Variants in SLC9C1 observed in about 807,000 individuals in gnomAD.
SLC9C1 encodes sodium/hydrogen exchanger 10.
In SLC9C1, 97 loss-of-function variants were observed where a neutral mutation model predicts 140.9. The ratio of observed to expected loss-of-function variants is 0.69; its 90% confidence interval spans 0.58 to 0.82. The LOEUF is 0.82. SLC9C1 is among the 40% of genes least tolerant of loss of function. The pLI is 0.00. For synonymous variants in SLC9C1, 440 were observed against 442.6 expected, an observed-to-expected ratio of 0.99 and a Z score of 0.07; for missense variants, 1,340 against 1,389.3, an observed-to-expected ratio of 0.96 and a Z score of 0.56.
rs765800521 is a variant in SLC9C1, at chr3:112,278,757, G to A, written c.290C>T (p.Thr97Met). Residue 97 changes from threonine to methionine, a missense_variant, in exon 4 of 29, where the codon ACG (threonine) becomes ATG (methionine). Transcript: ENST00000305815. ...CCAAAATAACTTTTGAAGCATGTAC[G>A]TATCCATGTCAAATGCAGTAGTAAA... ...VFFTTAFDMD[T>M]YMLQKLFWQI... The A allele has an allele frequency of 4.3e-6, 7 of 1,609,578 alleles. No individual in the cohort carries two copies. Among genetic ancestry groups the A allele is most frequent in the South Asian group, 2.2e-5 (2 of 90,510 alleles).
chr3:112,149,309 G>A (rs1410238321), intron 28 of SLC9C1, among the ~76,000 whole-genome samples: 1 of 151,556 alleles, frequency 6.6e-6, no homozygotes, highest in East Asian at 2.0e-4. Flanking sequence ...AGGTCAGTGG[G>A]TACTCTGAAT....
intron 28 of SLC9C1, among the ~76,000 whole-genome samples, chr3:112,142,750 T>C (rs1261463786): frequency 1.3e-5 from 2 of 152,232 alleles, no homozygotes; most frequent in Non-Finnish European, 2.9e-5. Flanking sequence ...ATTTTTATTT[T>C]AGATTCCAGG....
intron 12 of SLC9C1, among the ~76,000 whole-genome samples, chr3:112,235,999 G>A (rs1281855183): frequency 6.6e-6 from 1 of 152,128 alleles, no homozygotes; most frequent in African/African-American, 2.4e-5. Context: ...GAGTTAGGGA[G>A]GATTCTCTCT....
At position 112,169,269 on chromosome 3, in the gene SLC9C1, A is replaced by G. The variant is rs748426980; in HGVS notation, c.2979T>C (p.Ile993=). ...YDAFEQCSPL[I]KQKMWLKLGL... ...CAAGTTTTAGCCACATTTTTTGTTTAATGAGAGGAGAGCATTGCTCAAAAG... is the reference window on the plus strand; with the variant it reads ...CAAGTTTTAGCCACATTTTTTGTTTGATGAGAGGAGAGCATTGCTCAAAAG... The change falls in exon 24 of 29, where the codon ATT becomes ATC. Residue 993 remains isoleucine, a synonymous_variant. Transcript: ENST00000305815. 1.9e-6 allele frequency: 3 copies of G among 1,613,436 alleles called. No individual in the cohort carries two copies. The highest frequency in any genetic ancestry group is 2.5e-6 in the Non-Finnish European group (3 of 1,179,766).
At chr3:112,277,482 G>A (rs764302523) in intron 5 of SLC9C1, among the ~76,000 whole-genome samples, 9 of 151,916 alleles carry the variant, frequency 5.9e-5, no homozygotes, top group East Asian at 1.9e-4. Flanking sequence ...CCACAATTGC[G>A]TATAATACTT....
chr3:112,162,722 C>T (rs1341613113), intron 26 of SLC9C1, among the ~76,000 whole-genome samples: 1 of 150,652 alleles, frequency 6.6e-6, no homozygotes, highest in African/African-American at 2.4e-5. Context: ...GGATATTGGT[C>T]TAAAATTCTC....
chr3:112,242,133 A>G (rs554277579), intron 11 of SLC9C1, among the ~76,000 whole-genome samples: 28 of 152,342 alleles, frequency 1.8e-4, no homozygotes, highest in Non-Finnish European at 1.5e-4. Flanking sequence ...GCAAAGCAAA[A>G]GAAACTATTA....
chr3:112,226,718 T>TC lies in SLC9C1; in HGVS notation c.1572+4642dup, dbSNP rs918652516. Among the ~76,000 whole-genome samples, 15 of 7,696 alleles carry TC rather than the reference T, an allele frequency of 1.9e-3. No homozygotes were observed. The South Asian group carries it at 0.048, about 24-fold the overall frequency. 5.0% of individuals were successfully genotyped at this position (7,696 alleles called of 152,430 possible). On this transcript the variant is annotated intron_variant, in intron 13 of 28. Transcript: ENST00000305815. The stretch of plus-strand genomic sequence containing the variant: ...GCCTGGGCGATAGAGTAAGACTCCA[T>TC]CCCCCCCCATCCCCCCACACACAAA...
chr3:112,292,180 G>A (rs1188478012), intron 1 of SLC9C1, among the ~76,000 whole-genome samples: 2 of 152,066 alleles, frequency 1.3e-5, no homozygotes, highest in African/African-American at 4.8e-5. Context: ...TTAATAGCTG[G>A]GTGATTAAAT....
chr3:112,200,534 T>C (rs1338242937), intron 19 of SLC9C1, among the ~76,000 whole-genome samples, 177 bp downstream of exon 19: 1 of 152,130 alleles, frequency 6.6e-6, no homozygotes, highest in Non-Finnish European at 1.5e-5. Context: ...TGAAGCGATA[T>C]TACACTATTT....
chr3:112,230,808 A>G (rs748830368), intron 13 of SLC9C1, among the ~76,000 whole-genome samples: 12 of 152,188 alleles, frequency 7.9e-5, no homozygotes, highest in Non-Finnish European at 1.8e-4. Flanking sequence ...AAACTAGCCT[A>G]TTAGCAATTT....
chr3:112,258,919 G>A (rs4624537), intron 10 of SLC9C1, among the ~76,000 whole-genome samples: 151,413 of 152,184 alleles, frequency 0.99, 75,327 homozygotes, highest in Middle Eastern at 1. Context: ...GGAGAGAGAG[G>A]GAGTCAAAGG....
chr3:112,236,723 TG>T (rs1174881470), intron 12 of SLC9C1, among the ~76,000 whole-genome samples: 1 of 152,256 alleles, frequency 6.6e-6, no homozygotes, highest in Non-Finnish European at 1.5e-5. Context: ...CATTTTGTTA[TG>T]TACCCAGTAG....
intron 18 of SLC9C1, 79 bp from the exon 19 acceptor site, chr3:112,200,841 T>C: frequency 8.0e-7 from 1 of 1,256,640 alleles, no homozygotes; most frequent in Non-Finnish European, 1.1e-6. Flanking sequence ...ACTGATGGAT[T>C]TTTAACCTAA....
intron 12 of SLC9C1, among the ~76,000 whole-genome samples, chr3:112,235,017 G>A (rs1349937602): frequency 2.0e-5 from 3 of 151,700 alleles, no homozygotes; most frequent in Admixed American, 1.3e-4. Flanking sequence ...TGTGAAGAAA[G>A]TCATTGGTAG....
At chr3:112,160,993 T>C (rs2075280471) in intron 26 of SLC9C1, among the ~76,000 whole-genome samples, 1 of 152,196 alleles carries the variant, frequency 6.6e-6, no homozygotes, top group African/African-American at 2.4e-5. Context: ...CTCATTGTGG[T>C]TTTGATTTGC....
chr3:112,144,535 G>A, intron 28 of SLC9C1, among the ~76,000 whole-genome samples: 1 of 151,948 alleles, frequency 6.6e-6, no homozygotes, highest in Non-Finnish European at 1.5e-5. Flanking sequence ...GATTGTTTTG[G>A]GCAGTATGGC....
At chr3:112,239,210 A>G (rs576712623) in intron 12 of SLC9C1, among the ~76,000 whole-genome samples, 156 of 152,314 alleles carry the variant, frequency 1.0e-3, no homozygotes, top group Non-Finnish European at 1.9e-3. Context: ...TCAGACTGCT[A>G]TGCTAGCAAT....
At chr3:112,148,832 A>ACAAG (rs1447426415) in intron 28 of SLC9C1, among the ~76,000 whole-genome samples, 1 of 152,198 alleles carries the variant, frequency 6.6e-6, no homozygotes, top group Non-Finnish European at 1.5e-5. Flanking sequence ...GATAGCAGGC[A>ACAAG]CAAGCACCAG....
Sources: allele counts gnomAD v4.1 joint callset (sites outside exome capture counted in the v4.1 genomes callset), GRCh38; gene constraint gnomAD v4.1.1; transcripts MANE v1.5; gene names NCBI Gene and HGNC (gene_info 2026-07-23, HGNC 2026-07-21).